The following EPHB2 variants were observed in gnomAD, a reference collection of about 807,000 sequenced individuals.
EPHB2 encodes the protein EPH receptor B2.
EPHB2 carries 18 observed loss-of-function variants against 96.4 expected under a neutral mutation model. The ratio of observed to expected loss-of-function variants is 0.19; its 90% CI spans 0.13 to 0.28. The LOEUF (loss-of-function observed/expected upper bound fraction) is 0.28, where lower values mean the gene tolerates loss of function less well. EPHB2 is among the 10% of genes least tolerant of loss of function. EPHB2 has a pLI of 1.00. For synonymous variants in EPHB2, 506 were observed against 534.1 expected (o/e 0.95, Z 0.72); for missense variants, 989 against 1,355.4 (o/e 0.73, Z 4.25).
At chr1:22,837,895 G>C (rs1270320229) in intron 3 of EPHB2, among the ~76,000 whole-genome samples, 1 of 151,554 alleles carries the variant, frequency 6.6e-6, no homozygotes, top group Non-Finnish European at 1.5e-5. Context: ...CACTGCTTGG[G>C]TCTAATGACC....
At chr1:22,817,876 G>C (rs571343874) in intron 3 of EPHB2, among the ~76,000 whole-genome samples, 1 of 152,194 alleles carries the variant, frequency 6.6e-6, no homozygotes, top group African/African-American at 2.4e-5. Context: ...TAAAGGGCGG[G>C]ACGGGAAGAG....
Position 22,913,279 on chromosome 1 carries a change from G to A in EPHB2, c.2853-183G>A. On this transcript the variant is annotated intron_variant, in intron 15 of 15. Coordinates refer to ENST00000374630, the MANE Select transcript of EPHB2 (RefSeq NM_017449.5). This position sits in a 1 kb window ranked among gnomAD's most constrained non-coding sequence, Gnocchi z 4.1. ...TAGGGACCCTGATTCCGACTCAAGT[G>A]CTCTTCCACCTCACACCATAGTCGC... The A allele has an allele frequency of 1.4e-6, 1 of 716,058 alleles. No individual in the cohort carries two copies. Among genetic ancestry groups the A allele is most frequent in the Admixed American group, 2.2e-5 (1 of 45,078 alleles). 44.4% of individuals were successfully genotyped at this position (716,058 alleles called of 1,614,324 possible).
chr1:22,823,754 A>G (rs372244579), intron 3 of EPHB2, among the ~76,000 whole-genome samples: 27 of 152,386 alleles, frequency 1.8e-4, no homozygotes, highest in Middle Eastern at 3.4e-3. Context: ...TGAGGATTCC[A>G]CTATCTAAGC....
intron 1 of EPHB2, among the ~76,000 whole-genome samples, chr1:22,776,363 G>A (rs6692683): frequency 0.66 from 100,320 of 152,116 alleles, 36,233 homozygotes; most frequent in Non-Finnish European, 0.82. Flanking sequence ...CCCTCCTTCC[G>A]TATTCATTTC....
chr1:22,863,488 A>C (rs1185505365), intron 4 of EPHB2, among the ~76,000 whole-genome samples: 2 of 152,192 alleles, frequency 1.3e-5, no homozygotes, highest in African/African-American at 4.8e-5. Flanking sequence ...GAGATGAAGC[A>C]ACACAGGTAG....
intron 3 of EPHB2, among the ~76,000 whole-genome samples, chr1:22,841,104 GGAAT>G (rs1645461195): frequency 1.7e-5 from 2 of 121,194 alleles, no homozygotes; most frequent in Non-Finnish European, 3.7e-5. Flanking sequence ...CAGTATCTGT[GGAAT>G]GAATGAATGA....
At chr1:22,719,241 CA>C (rs1643373638) in intron 1 of EPHB2, among the ~76,000 whole-genome samples, 1 of 152,054 alleles carries the variant, frequency 6.6e-6, no homozygotes. Context: ...GGGCAGGAGC[CA>C]CGGGGCCCAC....
intron 3 of EPHB2, among the ~76,000 whole-genome samples, chr1:22,814,768 T>C (rs974653338): frequency 6.6e-6 from 1 of 152,230 alleles, no homozygotes; most frequent in Admixed American, 6.5e-5. Context: ...CCGAGCCCAG[T>C]GGCCCAGGAG....
chr1:22,812,196 C>T (rs1321121049), intron 3 of EPHB2, among the ~76,000 whole-genome samples: 3 of 152,180 alleles, frequency 2.0e-5, no homozygotes, highest in South Asian at 2.1e-4. Flanking sequence ...TGAATGTAGG[C>T]ACCACCAGTC....
chr1:22,902,510 T>C (rs1339896327), intron 9 of EPHB2, among the ~76,000 whole-genome samples: 2 of 152,238 alleles, frequency 1.3e-5, no homozygotes, highest in Non-Finnish European at 2.9e-5. Flanking sequence ...TATGGGAGCA[T>C]ACACACACAG....
At chr1:22,826,564 G>A (rs764958149) in intron 3 of EPHB2, among the ~76,000 whole-genome samples, 10 of 152,244 alleles carry the variant, frequency 6.6e-5, no homozygotes, top group Non-Finnish European at 1.5e-4. Context: ...GGACTGGAGA[G>A]GTAGTCTCCA....
intron 9 of EPHB2, among the ~76,000 whole-genome samples, chr1:22,904,704 C>T (rs1639853860): frequency 6.6e-6 from 1 of 152,200 alleles, no homozygotes; most frequent in Non-Finnish European, 1.5e-5. Context: ...TAATAACAGC[C>T]ACAGGCAAAG....
chr1:22,863,990 C>CTGGATT (rs1007527678), intron 4 of EPHB2, among the ~76,000 whole-genome samples: 8 of 151,232 alleles, frequency 5.3e-5, no homozygotes, highest in African/African-American at 2.0e-4. Flanking sequence ...TCCCAAAGTG[C>CTGGATT]TGGATTACAG....
intron 3 of EPHB2, among the ~76,000 whole-genome samples, chr1:22,805,895 G>A (rs1270608817): frequency 2.0e-5 from 3 of 152,212 alleles, no homozygotes; most frequent in Non-Finnish European, 4.4e-5. Flanking sequence ...CCATTTGTAT[G>A]CAGCAGGGGG....
At chr1:22,868,791 C>T (rs1638566269) in intron 5 of EPHB2, among the ~76,000 whole-genome samples, 1 of 152,152 alleles carries the variant, frequency 6.6e-6, no homozygotes, top group Non-Finnish European at 1.5e-5. Context: ...AATCCTATCA[C>T]AGAAAAGGAA....
intron 1 of EPHB2, among the ~76,000 whole-genome samples, chr1:22,769,370 A>T (rs1213511827): frequency 6.6e-6 from 1 of 152,128 alleles, no homozygotes; most frequent in African/African-American, 2.4e-5. Flanking sequence ...TCTTTAAGTC[A>T]GTGATAGTAT....
chr1:22,779,378 G>T (rs1644497346), intron 1 of EPHB2, among the ~76,000 whole-genome samples: 1 of 152,140 alleles, frequency 6.6e-6, no homozygotes, highest in African/African-American at 2.4e-5. Flanking sequence ...GGGGATGCCA[G>T]TGCACAGGGA....
chr1:22,742,902 T>C (rs1489364164), intron 1 of EPHB2, among the ~76,000 whole-genome samples: 1 of 152,012 alleles, frequency 6.6e-6, no homozygotes, highest in Non-Finnish European at 1.5e-5. Context: ...ACTTTTTTTT[T>C]TTTCTGAGAC....
chr1:22,748,918 G>T (rs1224742875), intron 1 of EPHB2, among the ~76,000 whole-genome samples: 1 of 150,342 alleles, frequency 6.7e-6, no homozygotes, highest in South Asian at 2.1e-4. Flanking sequence ...AGAATGTATC[G>T]CATTTTATGA....
Sources: gnomAD v4.1 joint callset for allele counts (sites outside exome capture counted in the v4.1 genomes callset) on GRCh38, gnomAD v4.1.1 for gene constraint, Gnocchi (gnomAD v3.1) non-coding constraint, MANE v1.5 for transcripts, NCBI Gene and HGNC (gene_info 2026-07-23, HGNC 2026-07-21) for gene names.